Variants in DGKB observed in about 807,000 individuals in gnomAD.
DGKB encodes diacylglycerol kinase beta.
DGKB carries 67 observed loss-of-function variants against 114.3 expected under a neutral mutation model. The observed-to-expected ratio is 0.59, with a 90% confidence interval of 0.48 to 0.72. The LOEUF (loss-of-function observed/expected upper bound fraction) is 0.72. Ranked by LOEUF, DGKB falls within the 30% of genes least tolerant of loss-of-function variation. The probability of loss-of-function intolerance (pLI) is 0.00; values close to 1 mark genes in which losing one functional copy is unlikely to be tolerated. For synonymous variants in DGKB, 398 were observed against 323.1 expected (o/e 1.23, Z -2.49); for missense variants, 907 against 975.2 (o/e 0.93, Z 0.93).
At chr7:14,657,313 T>C (rs1446393991) in intron 13 of DGKB, among the ~76,000 whole-genome samples, 3 of 151,858 alleles carry the variant, frequency 2.0e-5, no homozygotes, top group African/African-American at 7.2e-5. Flanking sequence ...CTATCCTTTA[T>C]GAATAATACC....
rs781569705 is a variant in DGKB at position 14,265,318 on chromosome 7, C to CTTTTT, written c.2122+73192_2122+73196dup. Among the ~76,000 whole-genome samples the CTTTTT allele has an allele frequency of 7.1e-3, 483 of 67,698 alleles. 5 individuals carry two copies. Among genetic ancestry groups the CTTTTT allele is most frequent in the Middle Eastern group, 0.014 (1 of 74 alleles). 44.4% of individuals were successfully genotyped at this position (67,698 alleles called of 152,430 possible). On this transcript the variant is annotated intron_variant, in intron 23 of 25. Coordinates refer to ENST00000402815, the MANE Select transcript of DGKB (RefSeq NM_001350709.2). ...GGACTGCTGTCTTTTCTCTTGCATTCTTTTTTTTTTTTTTTTTTTTGCTTA... is the reference window on the plus strand; with the variant it reads ...GGACTGCTGTCTTTTCTCTTGCATTCTTTTTTTTTTTTTTTTTTTTTTTTTGCTTA...
At chr7:14,541,821 T>C (rs1793508819) in intron 20 of DGKB, among the ~76,000 whole-genome samples, 2 of 152,228 alleles carry the variant, frequency 1.3e-5, no homozygotes, top group African/African-American at 4.8e-5. Context: ...TGTTGTAATG[T>C]AATAATATTT....
intron 23 of DGKB, among the ~76,000 whole-genome samples, chr7:14,184,514 C>G (rs1385299706): frequency 6.6e-6 from 1 of 152,104 alleles, no homozygotes; most frequent in African/African-American, 2.4e-5. Context: ...CTTTCCCCCA[C>G]TTCCCTGACA....
intron 5 of DGKB, among the ~76,000 whole-genome samples, chr7:14,727,970 T>C (rs189867184): frequency 2.1e-3 from 321 of 152,358 alleles, no homozygotes; most frequent in Middle Eastern, 6.8e-3. Flanking sequence ...ATTCTCATTG[T>C]ACAATTTTCT....
intron 1 of DGKB, among the ~76,000 whole-genome samples, chr7:14,910,228 G>A (rs1356451944): frequency 6.8e-6 from 1 of 146,158 alleles, no homozygotes; most frequent in East Asian, 2.0e-4. Flanking sequence ...GTGACAGAGC[G>A]AGACTCCATC....
At chr7:14,740,620 A>C (rs1440639391) in intron 4 of DGKB, among the ~76,000 whole-genome samples, 1 of 152,162 alleles carries the variant, frequency 6.6e-6, no homozygotes, top group African/African-American at 2.4e-5. Flanking sequence ...TGGAAGTTAA[A>C]AGGCAAACAC....
intron 25 of DGKB, among the ~76,000 whole-genome samples, chr7:14,166,383 G>A (rs571791522): frequency 1.3e-5 from 2 of 152,238 alleles, no homozygotes; most frequent in African/African-American, 2.4e-5. Context: ...AAGGTTTAGG[G>A]CATTTATTAG....
intron 9 of DGKB, among the ~76,000 whole-genome samples, chr7:14,692,765 T>C (rs925497927): frequency 3.3e-5 from 5 of 151,846 alleles, no homozygotes; most frequent in Non-Finnish European, 5.9e-5. Context: ...TTTTATTGTT[T>C]TCCATCCTCT....
intron 21 of DGKB, among the ~76,000 whole-genome samples, chr7:14,474,566 T>C (rs1367822787): frequency 3.3e-5 from 5 of 152,154 alleles, no homozygotes; most frequent in African/African-American, 1.2e-4. Flanking sequence ...TTGCATGTTT[T>C]TCTAAAATCA....
chr7:14,149,261 A>AGG (rs761626038), intron 25 of DGKB, 23 bp from the exon 26 acceptor site: 4 of 1,561,076 alleles, frequency 2.6e-6, no homozygotes, highest in Non-Finnish European at 3.5e-6. Flanking sequence ...AGAGAGAGAG[A>AGG]GAGAGAAAGA....
chr7:14,833,387 T>C (rs1438436716), intron 2 of DGKB, among the ~76,000 whole-genome samples: 1 of 92,984 alleles, frequency 1.1e-5, no homozygotes, highest in African/African-American at 3.4e-5. Flanking sequence ...TATGTCTTTA[T>C]GAAGATTTAT....
intron 23 of DGKB, among the ~76,000 whole-genome samples, chr7:14,320,615 CATATAT>C (rs143298086): frequency 2.0e-5 from 3 of 149,960 alleles, no homozygotes; most frequent in African/African-American, 7.3e-5. Flanking sequence ...ATATGTGGTA[CATATAT>C]ATATATAGTC....
intron 1 of DGKB, among the ~76,000 whole-genome samples, chr7:14,859,857 A>G (rs1402723871): frequency 6.6e-6 from 1 of 152,100 alleles, no homozygotes; most frequent in African/African-American, 2.4e-5. Flanking sequence ...CATCTATGTT[A>G]TAATGTCACT....
chr7:14,567,516 T>A (rs1198084599), intron 20 of DGKB, among the ~76,000 whole-genome samples: 5 of 82,116 alleles, frequency 6.1e-5, no homozygotes, highest in African/African-American at 9.1e-5. Flanking sequence ...TAATTATATA[T>A]TTATATATTA....
At chr7:14,700,832 A>T (rs77042667) in intron 7 of DGKB, among the ~76,000 whole-genome samples, 1 of 152,318 alleles carries the variant, frequency 6.6e-6, no homozygotes, top group Non-Finnish European at 1.5e-5. Flanking sequence ...AAATACATTA[A>T]AAATGGTACA....
At chr7:14,417,871 G>C (rs1294249813) in intron 21 of DGKB, among the ~76,000 whole-genome samples, 1 of 151,466 alleles carries the variant, frequency 6.6e-6, no homozygotes, top group Non-Finnish European at 1.5e-5. Flanking sequence ...TAAAAAAGGA[G>C]AGAAAATAAA....
At chr7:14,776,644 T>G (rs1334798080) in intron 2 of DGKB, among the ~76,000 whole-genome samples, 1 of 152,194 alleles carries the variant, frequency 6.6e-6, no homozygotes, top group Admixed American at 6.5e-5. Context: ...GAATTGAGAT[T>G]TGGAAACCTC....
At chr7:14,825,032 A>C (rs1341419966) in intron 2 of DGKB, among the ~76,000 whole-genome samples, 2 of 139,462 alleles carry the variant, frequency 1.4e-5, no homozygotes, top group East Asian at 2.1e-4. Context: ...ATATATATAT[A>C]TATATATATA....
chr7:14,170,744 T>C (rs1490926360), intron 25 of DGKB, among the ~76,000 whole-genome samples: 2 of 152,226 alleles, frequency 1.3e-5, no homozygotes, highest in East Asian at 3.9e-4. Flanking sequence ...GAATACTGTT[T>C]TTCTTTTTGA....
Sources: allele counts gnomAD v4.1 joint callset (sites outside exome capture counted in the v4.1 genomes callset), GRCh38; gene constraint gnomAD v4.1.1; transcripts MANE v1.5; gene names NCBI Gene and HGNC (gene_info 2026-07-23, HGNC 2026-07-21).